The following REPS2 variants were observed in gnomAD, a reference collection of about 807,000 sequenced individuals.
REPS2 encodes RALBP1 associated Eps domain containing 2, also known as ralBP1-associated Eps domain-containing protein 2.
Under a neutral mutation model 53.6 loss-of-function variants are expected in REPS2, and 23 were observed. That is an observed-to-expected ratio of 0.43 (90% CI 0.31 to 0.61). The LOEUF (loss-of-function observed/expected upper bound fraction) is 0.61. Among genes scored for constraint, REPS2 ranks in the 20% least tolerant of loss-of-function variants. REPS2 has a pLI of 0.11. For missense variants in REPS2, 446 were observed against 534.9 expected, an observed-to-expected ratio of 0.83 and a Z score of 1.64; for synonymous variants, 238 against 218.6, an observed-to-expected ratio of 1.09 and a Z score of -0.78.
At chrX:17,049,560 AAG>A (rs1319559064) in intron 6 of REPS2, among the ~76,000 whole-genome samples, 3 of 112,276 alleles carry the variant, frequency 2.7e-5, no homozygotes, top group East Asian at 5.5e-4. Context: ...GATATAAAGA[AAG>A]AAAATATTTT....
At chrX:17,174,430 G>C in the REPS2 span, among the ~76,000 whole-genome samples, 15 of 111,917 alleles carry the variant, frequency 1.3e-4, no homozygotes, top group Admixed American at 1.9e-4. Context: ...TGATGTAATT[G>C]GTCAGGGTCG....
At chrX:17,105,784 A>G (rs2062866681) in intron 14 of REPS2, among the ~76,000 whole-genome samples, 1 of 112,097 alleles carries the variant, frequency 8.9e-6, no homozygotes, top group African/African-American at 3.2e-5. Context: ...GGACACACAT[A>G]TTCAGATATA....
chrX:16,961,282 G>A (rs778336873), intron 1 of REPS2, among the ~76,000 whole-genome samples: 2 of 111,354 alleles, frequency 1.8e-5, no homozygotes, highest in South Asian at 7.5e-4. Context: ...ACAGAGATCC[G>A]AGAAATATAC....
At chrX:16,961,623 A>G (rs1008689991) in intron 1 of REPS2, among the ~76,000 whole-genome samples, 2 of 112,107 alleles carry the variant, frequency 1.8e-5, no homozygotes, top group Non-Finnish European at 3.8e-5. Flanking sequence ...ACAGGCAACA[A>G]AAGCAAAAAG....
downstream of REPS2, among the ~76,000 whole-genome samples, chrX:17,154,034 C>A (rs2063592611): frequency 9.0e-6 from 1 of 111,690 alleles, no homozygotes; most frequent in African/African-American, 3.3e-5. Context: ...ATTCTTGCCA[C>A]CCCTGCCCTG....
intron 17 of REPS2, among the ~76,000 whole-genome samples, chrX:17,140,656 C>T (rs868307519): frequency 1.8e-5 from 2 of 109,529 alleles, no homozygotes; most frequent in African/African-American, 3.3e-5. Flanking sequence ...TTTTAGCATG[C>T]GTATAATTAG....
chrX:17,054,694 G>T, intron 7 of REPS2, 114 bp from the exon 8 acceptor site: 1 of 775,250 alleles, frequency 1.3e-6, no homozygotes. Flanking sequence ...AGGAGGGTTT[G>T]GGTATCTGGT....
downstream of REPS2, among the ~76,000 whole-genome samples, chrX:17,156,946 C>T (rs1460547288): frequency 1.8e-5 from 2 of 111,013 alleles, no homozygotes; most frequent in Admixed American, 1.9e-4. Context: ...TCACTTGTGG[C>T]TCTGATATGC....
At chrX:17,160,905 T>A in the REPS2 span, among the ~76,000 whole-genome samples, 1 of 112,229 alleles carries the variant, frequency 8.9e-6, no homozygotes, top group African/African-American at 3.2e-5. Context: ...CACCATTGTA[T>A]GTTGAGAGCA....
intron 13 of REPS2, among the ~76,000 whole-genome samples, chrX:17,088,755 T>C (rs2062576224): frequency 9.1e-6 from 1 of 109,806 alleles, no homozygotes; most frequent in Admixed American, 9.8e-5. Flanking sequence ...GGCTAATTTT[T>C]TGTATTTTTA....
chrX:17,137,710 A>G (rs1467625574), intron 16 of REPS2: 1 of 111,542 alleles, frequency 9.0e-6, no homozygotes, highest in East Asian at 2.8e-4. Flanking sequence ...GGCTCAAGTG[A>G]TCCTTTCCCC....
intron 13 of REPS2, among the ~76,000 whole-genome samples, chrX:17,087,924 C>CGATA (rs35140640): frequency 0.17 from 15,049 of 91,144 alleles, 1,224 homozygotes; most frequent in Non-Finnish European, 0.19. Context: ...GAGACTCTGT[C>CGATA]GATAGATAGA....
In REPS2 at chrX:17,093,166, C is replaced by CTATATA. The variant is rs58530978; in HGVS notation, c.1517-10523_1517-10518dup. ...ACAAGGAAAAATGCATGAGTTAATG[C>CTATATA]TATATATATATATATATATATATAT... On this transcript the variant is annotated intron_variant, in intron 13 of 17. Transcript: ENST00000357277. Among the ~76,000 whole-genome samples the CTATATA allele has an allele frequency of 5.2e-3, 204 of 39,080 alleles. 7 individuals are homozygous for CTATATA. Among genetic ancestry groups the CTATATA allele is most frequent in the Non-Finnish European group, 7.4e-3 (158 of 21,421 alleles). The allele number at this position is 39,080 out of a possible 115,157, so 33.9% of individuals were successfully genotyped here.
intron 1 of REPS2, among the ~76,000 whole-genome samples, chrX:16,949,069 T>TTGGTGG (rs3083679): frequency 3.8e-5 from 4 of 104,036 alleles, no homozygotes; most frequent in Non-Finnish European, 5.9e-5. Flanking sequence ...ACCCATCACT[T>TTGGTGG]TGGTGGTGGT....
intron 6 of REPS2, 129 bp from the exon 7 acceptor site, chrX:17,052,253 G>A (rs373192010): frequency 1.1e-5 from 5 of 441,588 alleles, no homozygotes; most frequent in African/African-American, 7.5e-5. Context: ...ATTGCTTTGA[G>A]GAATAAATAT....
At chrX:17,188,120 A>C in the REPS2 span, among the ~76,000 whole-genome samples, 4 of 111,860 alleles carry the variant, frequency 3.6e-5, no homozygotes, top group Non-Finnish European at 7.5e-5. Context: ...TAGCTGTGAA[A>C]TGAGAGTGAA....
chrX:17,000,003 C>T (rs1192325533), intron 1 of REPS2, among the ~76,000 whole-genome samples: 1 of 95,992 alleles, frequency 1.0e-5, no homozygotes, highest in Non-Finnish European at 2.1e-5. Context: ...GCCGAGATCC[C>T]GCCACTGCAC....
In REPS2 at chrX:17,074,510, T is replaced by C. The variant is rs186526949; in HGVS notation, c.1379+351T>C. 257 of 156,492 alleles carry C rather than the reference T, an allele frequency of 1.6e-3. 1 individual carries two copies. Among genetic ancestry groups the C allele is most frequent in the African/African-American group, 6.9e-3 (225 of 32,736 alleles). 12.9% of individuals were successfully genotyped at this position (156,492 alleles called of 1,213,427 possible). On this transcript the variant is annotated intron_variant, in intron 12 of 17. Transcript: ENST00000357277. ...TAACAGACACGAAAATTTGCTATCA[T>C]GACAAGGTGAACACCAAAAAGTAAA...
At chrX:17,105,673 A>G (rs1191842606) in intron 14 of REPS2, among the ~76,000 whole-genome samples, 2 of 111,894 alleles carry the variant, frequency 1.8e-5, no homozygotes, top group Non-Finnish European at 3.8e-5. Flanking sequence ...CTGCCTAACT[A>G]TGGAGATTTC....
Sources: allele counts gnomAD v4.1 joint callset (sites outside exome capture counted in the v4.1 genomes callset), GRCh38; gene constraint gnomAD v4.1.1; transcripts MANE v1.5; gene names NCBI Gene and HGNC (gene_info 2026-07-23, HGNC 2026-07-21).